CCDC77: variants seen among roughly 807,000 people sequenced by gnomAD.
CCDC77 encodes the protein coiled-coil domain containing 77, also known as coiled-coil domain-containing protein 77.
In CCDC77, 56 loss-of-function variants were observed where a neutral mutation model predicts 66.8. That is an observed-to-expected ratio of 0.84 (90% confidence interval 0.68 to 1.05). The LOEUF (loss-of-function observed/expected upper bound fraction) is 1.05. CCDC77 is among the 50% of genes least tolerant of loss of function. The pLI is 0.00. For missense variants in CCDC77, 570 were observed against 576.8 expected (o/e 0.99, Z 0.12); for synonymous variants, 196 against 195.2 (o/e 1.00, Z -0.03).
In CCDC77 at chr12:438,443, G is replaced by A. The variant is rs1945795255; in HGVS notation, c.930G>A (p.Leu310=). Reference sequence around the variant, plus strand: ...CATGGATGCTTGAAAAAGATAATTTGATGTCAAAGATTAAGCAATATAGGG... The same window carrying A: ...CATGGATGCTTGAAAAAGATAATTTAATGTCAAAGATTAAGCAATATAGGG... ...EKSWMLEKDN[L]MSKIKQYRVQ... The change falls in exon 10 of 13, where the codon TTG becomes TTA. Residue 310 remains leucine (L), a synonymous_variant. Transcript: ENST00000239830. The A allele has an allele frequency of 6.2e-7, 1 of 1,613,804 alleles. No individual in the cohort carries two copies. The highest frequency in any genetic ancestry group is 8.5e-7 in the Non-Finnish European group (1 of 1,179,762).
chr12:409,615 C>A (rs1444774769), intron 3 of CCDC77, 194 bp downstream of exon 3: 1 of 588,154 alleles, frequency 1.7e-6, no homozygotes, highest in Non-Finnish European at 3.0e-6. Flanking sequence ...CTCCTGCACT[C>A]AAGCAATCCT....
rs1565567940 is a variant in CCDC77 at position 415,334 on chromosome 12, T to TTATGTTAATATAATCAACA, written c.271-3157_271-3139dup. ...TTATGTTAATATAATCAACATAATA[T>TTATGTTAATATAATCAACA]TATGTTAATATAATCAACATAATAT... On this transcript the variant is annotated intron_variant, in intron 4 of 12. Coordinates refer to ENST00000239830, the MANE Select transcript of CCDC77 (RefSeq NM_032358.4). 5.9e-5 allele frequency among the ~76,000 whole-genome samples: 8 copies of TTATGTTAATATAATCAACA among 136,096 alleles called. 1 individual carries two copies. The highest frequency in any genetic ancestry group is 7.8e-5 in the Non-Finnish European group (5 of 64,120). 89.3% of individuals were successfully genotyped at this position (136,096 alleles called of 152,430 possible). A position where few individuals can be genotyped will look rare whatever the true frequency, so the allele number is the denominator to read the frequency against.
intron 4 of CCDC77, among the ~76,000 whole-genome samples, chr12:413,908 G>A (rs1168420955): frequency 4.6e-5 from 7 of 151,446 alleles, no homozygotes; most frequent in African/African-American, 1.5e-4. Flanking sequence ...GATTACAGGC[G>A]TGAGCCACCG....
intron 4 of CCDC77, among the ~76,000 whole-genome samples, chr12:413,919 C>T (rs1034430502): frequency 6.6e-5 from 10 of 151,672 alleles, no homozygotes; most frequent in African/African-American, 2.0e-4. Flanking sequence ...TGAGCCACCG[C>T]GCCCAGCTGG....
intron 3 of CCDC77, among the ~76,000 whole-genome samples, chr12:410,488 G>A (rs1377021991): frequency 6.6e-6 from 1 of 150,616 alleles, no homozygotes; most frequent in Non-Finnish European, 1.5e-5. Flanking sequence ...GGTTGGTCTT[G>A]AACTCCTGAC....
chr12:406,998 C>T (rs369907559), intron 2 of CCDC77, among the ~76,000 whole-genome samples: 2 of 152,158 alleles, frequency 1.3e-5, no homozygotes, highest in South Asian at 4.1e-4. Flanking sequence ...TTGTCGTCAT[C>T]TGGGCAACAG....
intron 4 of CCDC77, among the ~76,000 whole-genome samples, chr12:415,156 G>A (rs1591971160): frequency 6.6e-6 from 1 of 151,792 alleles, no homozygotes; most frequent in African/African-American, 2.4e-5. Context: ...ACCGTGCCCA[G>A]CCTAATTGTT....
chr12:439,504 A>G (rs1465929675), intron 10 of CCDC77, among the ~76,000 whole-genome samples: 1 of 142,140 alleles, frequency 7.0e-6, no homozygotes, highest in Non-Finnish European at 1.5e-5. Flanking sequence ...TGGGCGACAG[A>G]GTGGGACTCC....
At chr12:441,639 C>T (rs1218077517) in intron 12 of CCDC77, 135 bp from the exon 13 acceptor site, 3 of 906,574 alleles carry the variant, frequency 3.3e-6, no homozygotes, top group African/African-American at 3.4e-5. Context: ...AGCCACTGAA[C>T]AAAGGATGGA....
At chr12:435,496 G>C (rs887619065) in intron 9 of CCDC77, among the ~76,000 whole-genome samples, 7 of 152,166 alleles carry the variant, frequency 4.6e-5, no homozygotes, top group Non-Finnish European at 7.4e-5. Flanking sequence ...ACCCCCTCAA[G>C]TCCATTCTCT....
chr12:414,851 G>A (rs570583777), intron 4 of CCDC77, among the ~76,000 whole-genome samples: 7 of 152,246 alleles, frequency 4.6e-5, no homozygotes, highest in East Asian at 1.9e-4. Context: ...CTTGAGTTGC[G>A]TCTAAACTGT....
intron 2 of CCDC77, among the ~76,000 whole-genome samples, chr12:409,137 A>G (rs11062803): frequency 0.72 from 108,016 of 150,200 alleles, 39,234 homozygotes; most frequent in East Asian, 0.83. Context: ...CCCAGAAGGC[A>G]GAGGTTGCAG....
At chr12:415,362 T>C (rs111753533) in intron 4 of CCDC77, among the ~76,000 whole-genome samples, 10 of 135,428 alleles carry the variant, frequency 7.4e-5, no homozygotes, top group East Asian at 2.1e-4. Context: ...CATAATATTA[T>C]GTTAATATAA....
intron 6 of CCDC77, among the ~76,000 whole-genome samples, chr12:429,972 A>T (rs1303472043): frequency 6.6e-6 from 1 of 151,814 alleles, no homozygotes; most frequent in Non-Finnish European, 1.5e-5. Context: ...ATAGCCCTGC[A>T]ATTTTGTTTA....
chr12:389,573 A>ACGAGGCGGGG (rs1555141792), intron 1 of CCDC77: 41 of 42,974 alleles, frequency 9.5e-4, no homozygotes, highest in Admixed American at 3.6e-3. Flanking sequence ...GCGAGGCGCA[A>ACGAGGCGGGG]CGAGGCGGGG....
Position 442,039 on chromosome 12 carries a change from T to A in CCDC77, c.*119T>A. On this transcript the variant is annotated 3_prime_UTR_variant, in exon 13 of 13. Transcript: ENST00000239830. ...TTGACTAGAGTGGTGGTATTCATTA[T>A]TGTAAAGACAGCTTGAAGAATCGGG... 9.6e-7 allele frequency: 1 copy of A among 1,042,884 alleles called. No homozygotes were observed. The highest frequency in any genetic ancestry group is 1.4e-6 in the Non-Finnish European group (1 of 706,574). 64.6% of individuals were successfully genotyped at this position (1,042,884 alleles called of 1,614,324 possible).
intron 4 of CCDC77, among the ~76,000 whole-genome samples, chr12:417,339 A>C (rs543944217): frequency 2.0e-5 from 3 of 152,100 alleles, no homozygotes; most frequent in African/African-American, 7.2e-5. Context: ...TGGAGTACCA[A>C]CTGTCTGCTT....
chr12:396,933 G>C (rs2137524012), upstream of CCDC77, among the ~76,000 whole-genome samples: 1 of 152,262 alleles, frequency 6.6e-6, no homozygotes, highest in Non-Finnish European at 1.5e-5. Flanking sequence ...TGGAGACAGA[G>C]TCTCGCTCTG....
intron 5 of CCDC77, among the ~76,000 whole-genome samples, chr12:422,316 G>A (rs1489530448): frequency 2.0e-5 from 3 of 152,126 alleles, no homozygotes; most frequent in Admixed American, 6.6e-5. Flanking sequence ...TGAAGTGTAC[G>A]GTTCAGTGGC....
Sources: gnomAD v4.1 joint callset for allele counts (sites outside exome capture counted in the v4.1 genomes callset) on GRCh38, gnomAD v4.1.1 for gene constraint, MANE v1.5 for transcripts, NCBI Gene and HGNC (gene_info 2026-07-23, HGNC 2026-07-21) for gene names.